WDR70: variants seen among roughly 807,000 people sequenced by gnomAD.
WDR70 encodes the protein WD repeat-containing protein 70.
Under a neutral mutation model 88.6 loss-of-function variants are expected in WDR70, and 53 were observed. The ratio of observed to expected loss-of-function variants is 0.60; its 90% CI spans 0.48 to 0.75. The LOEUF (loss-of-function observed/expected upper bound fraction) is 0.75. Among genes scored for constraint, WDR70 ranks in the 30% least tolerant of loss-of-function variants. WDR70 has a pLI of 0.00. For missense variants in WDR70, 610 were observed against 823.2 expected (o/e 0.74, Z 3.17); for synonymous variants, 280 against 270.0 (o/e 1.04, Z -0.36).
intron 10 of WDR70, among the ~76,000 whole-genome samples, chr5:37,657,297 C>A (rs905513778): frequency 6.6e-6 from 1 of 152,076 alleles, no homozygotes; most frequent in South Asian, 2.1e-4. Context: ...CACCCTGCTC[C>A]TGCTCGCCCT....
intron 8 of WDR70, among the ~76,000 whole-genome samples, chr5:37,515,744 A>G (rs111857154): frequency 0.02 from 2,986 of 152,340 alleles, 88 homozygotes; most frequent in African/African-American, 0.067. Context: ...TGCAGTTATT[A>G]TACTAAAAAA....
chr5:37,432,367 A>C (rs1204755556), intron 5 of WDR70, among the ~76,000 whole-genome samples: 3 of 152,148 alleles, frequency 2.0e-5, no homozygotes, highest in Non-Finnish European at 4.4e-5. Flanking sequence ...CTTTGGAGAA[A>C]TGCCTGTTCA....
chr5:37,486,784 C>A (rs1455996464), intron 8 of WDR70, among the ~76,000 whole-genome samples: 1 of 145,278 alleles, frequency 6.9e-6, no homozygotes. Context: ...TTTGAAGTGT[C>A]TGTTTATGTT....
chr5:37,505,823 C>G (rs1242592906), intron 8 of WDR70: 5 of 1,387,930 alleles, frequency 3.6e-6, no homozygotes, highest in Non-Finnish European at 4.1e-6. Context: ...TGGTTCCTGC[C>G]AGAGTTGCTC....
chr5:37,479,636 A>T, intron 7 of WDR70, 198 bp from the exon 8 acceptor site: 1 of 514,542 alleles, frequency 1.9e-6, no homozygotes, highest in Non-Finnish European at 3.4e-6. Flanking sequence ...CTCCCAAAGT[A>T]TTGGGATTAT....
intron 5 of WDR70, among the ~76,000 whole-genome samples, chr5:37,415,291 G>A (rs944653690): frequency 1.3e-4 from 20 of 151,712 alleles, no homozygotes; most frequent in Non-Finnish European, 2.4e-4. Flanking sequence ...TCAATGAGCT[G>A]TTGGGTACAC....
At chr5:37,596,443 T>C (rs1280664786) in intron 9 of WDR70, among the ~76,000 whole-genome samples, 1 of 152,202 alleles carries the variant, frequency 6.6e-6, no homozygotes, top group Non-Finnish European at 1.5e-5. Context: ...GCAACTATGT[T>C]TTGACCAATG....
chr5:37,722,723 C>A, intron 14 of WDR70, 132 bp from the exon 15 acceptor site: 1 of 770,372 alleles, frequency 1.3e-6, no homozygotes, highest in Non-Finnish European at 2.1e-6. Flanking sequence ...TGCCATCCCT[C>A]AGAAAGTCAA....
chr5:37,427,684 C>G (rs968870857), intron 5 of WDR70, among the ~76,000 whole-genome samples: 1 of 152,024 alleles, frequency 6.6e-6, no homozygotes, highest in East Asian at 1.9e-4. Flanking sequence ...GTCAGGAGTT[C>G]GAGACCAGCC....
At chr5:37,604,194 A>G (rs1743967743) in intron 9 of WDR70, among the ~76,000 whole-genome samples, 1 of 152,128 alleles carries the variant, frequency 6.6e-6, no homozygotes, top group Non-Finnish European at 1.5e-5. Flanking sequence ...TAGATGTCTG[A>G]TGGTAGTGAA....
At chr5:37,447,644 G>A (rs925926060) in intron 7 of WDR70, among the ~76,000 whole-genome samples, 49 of 152,280 alleles carry the variant, frequency 3.2e-4, no homozygotes, top group African/African-American at 1.0e-3. Context: ...GTAGGGACAT[G>A]GATGAAGCTG....
chr5:37,399,754 A>G (rs1286815155), intron 5 of WDR70, among the ~76,000 whole-genome samples: 6 of 152,200 alleles, frequency 3.9e-5, no homozygotes, highest in Non-Finnish European at 7.4e-5. Flanking sequence ...ACGTAGTACA[A>G]CAGGGATTGG....
At chr5:37,535,090 A>T (rs1329487881) in intron 9 of WDR70, among the ~76,000 whole-genome samples, 1 of 152,102 alleles carries the variant, frequency 6.6e-6, no homozygotes. Flanking sequence ...CAGATAAGGT[A>T]CAGCTAGTAA....
rs75007560 is a variant in WDR70 at position 37,605,031 on chromosome 5, T to A, written c.918-33T>A. The stretch of plus-strand genomic sequence containing the variant: ...CCTCCCCCCTCCTTCTTTTTTTTTT[T>A]AAATAAATGAAAAATCTCCTGATCA... On this transcript the variant is annotated intron_variant, in intron 9 of 17. Coordinates refer to ENST00000265107, the MANE Select transcript of WDR70 (RefSeq NM_018034.4). 17,728 of 1,493,882 alleles carry A rather than the reference T, an allele frequency of 0.012. 978 individuals carry two copies. The African/African-American group carries it at 0.16, about 14-fold the overall frequency. 92.5% of individuals were successfully genotyped at this position (1,493,882 alleles called of 1,614,324 possible). A position where few individuals can be genotyped will look rare whatever the true frequency, so the allele number is the denominator to read the frequency against.
intron 17 of WDR70, among the ~76,000 whole-genome samples, chr5:37,750,281 C>T (rs928259998): frequency 6.6e-6 from 1 of 152,134 alleles, no homozygotes; most frequent in Non-Finnish European, 1.5e-5. Flanking sequence ...TGCCTGTAAT[C>T]CCAGCACTTT....
intron 5 of WDR70, among the ~76,000 whole-genome samples, chr5:37,398,265 T>A (rs1749087790): frequency 1.3e-5 from 2 of 151,854 alleles, no homozygotes. Context: ...ATTTTTCGTA[T>A]TTTTAGTAGA....
chr5:37,707,931 AAAAAAAAAAAAAAAAAAATATATATATAT>A (rs1747380259), intron 13 of WDR70, among the ~76,000 whole-genome samples: 1 of 26,042 alleles, frequency 3.8e-5, no homozygotes, highest in African/African-American at 1.6e-4. Flanking sequence ...GAAAAAAAAA[AAAAAAAAAAAAAAAAAAATATATATATAT>A]ATATATATAT....
At chr5:37,553,656 C>T (rs1190206412) in intron 9 of WDR70, among the ~76,000 whole-genome samples, 1 of 152,168 alleles carries the variant, frequency 6.6e-6, no homozygotes, top group Non-Finnish European at 1.5e-5. Flanking sequence ...GTGTGGTACG[C>T]AGTCACAAGT....
intron 17 of WDR70, among the ~76,000 whole-genome samples, chr5:37,738,286 A>G (rs1748363003): frequency 6.6e-6 from 1 of 152,194 alleles, no homozygotes; most frequent in South Asian, 2.1e-4. Context: ...GCCCTGAGCC[A>G]AAAAAGCTTG....
Sources: gnomAD v4.1 joint callset for allele counts (sites outside exome capture counted in the v4.1 genomes callset) on GRCh38, gnomAD v4.1.1 for gene constraint, MANE v1.5 for transcripts, NCBI Gene and HGNC (gene_info 2026-07-23, HGNC 2026-07-21) for gene names.